NECAB2: variants seen among roughly 807,000 people sequenced by gnomAD.
NECAB2 encodes N-terminal EF-hand calcium binding protein 2.
Under a neutral mutation model 51.9 loss-of-function variants are expected in NECAB2, and 68 were observed. The observed-to-expected ratio is 1.31, with a 90% CI of 1.08 to 1.60. The LOEUF (loss-of-function observed/expected upper bound fraction) is 1.60, where lower values mean the gene tolerates loss of function less well. Ranked by LOEUF, NECAB2 falls within the 40% of genes most tolerant of loss-of-function variation. NECAB2 has a pLI of 0.00. For synonymous variants in NECAB2, 329 were observed against 203.5 expected (o/e 1.62, Z -5.25); for missense variants, 854 against 490.3 (o/e 1.74, Z -7.00).
intron 6 of NECAB2, among the ~76,000 whole-genome samples, chr16:83,991,448 C>A (rs144791421): frequency 6.9e-6 from 1 of 144,824 alleles, no homozygotes; most frequent in Non-Finnish European, 1.5e-5. Flanking sequence ...CTCACTGCAA[C>A]GTCCGCCTCC....
chr16:83,991,984 G>A (rs536230682), intron 6 of NECAB2, among the ~76,000 whole-genome samples: 43 of 152,120 alleles, frequency 2.8e-4, no homozygotes, highest in Non-Finnish European at 4.6e-4. Flanking sequence ...AGCAGTTTAG[G>A]AAATGGCATA....
At chr16:83,987,455 T>C (rs988295320) in intron 5 of NECAB2, among the ~76,000 whole-genome samples, 9 of 152,356 alleles carry the variant, frequency 5.9e-5, no homozygotes, top group East Asian at 1.9e-4. Flanking sequence ...GTAGTTGATA[T>C]GCAAAATTTA....
Position 83,987,998 on chromosome 16 carries a change from C to T in NECAB2, c.460-2496C>T, listed in dbSNP as rs534264895. ...TCATTATATTCCTACCTTTCTTGGG[C>T]AGTACTTTCTCATTTAAATTCTAAC... is the stretch of plus-strand genomic sequence containing the variant. On this transcript the variant is annotated intron_variant, in intron 5 of 12. Transcript: ENST00000305202. Among the ~76,000 whole-genome samples the T allele has an allele frequency of 5.3e-5, 8 of 152,290 alleles. No individual in the cohort carries two copies. In the South Asian group the frequency reaches 1.0e-3, roughly 20 times the overall value.
At chr16:83,967,132 A>C (rs1347847016), upstream of NECAB2, among the ~76,000 whole-genome samples, 1 of 152,182 alleles carries the variant, frequency 6.6e-6, no homozygotes, top group African/African-American at 2.4e-5. Context: ...TTGGCTCCCC[A>C]AAGTGTTGGT....
In NECAB2 at chr16:83,997,266, C is replaced by G. The variant is rs774451343; in HGVS notation, c.846C>G (p.Asn282Lys). 6.2e-7 allele frequency: 1 copy of G among 1,614,154 alleles called. No individual in the cohort carries two copies. The highest frequency in any genetic ancestry group is 1.3e-5 in the African/African-American group (1 of 75,030). The change falls in exon 9 of 13, where the codon AAC becomes AAG. Residue 282 changes from asparagine to lysine, a missense_variant. Physicochemically the swap from Asn to Lys is moderately conservative, Grantham distance 94. Coordinates refer to ENST00000305202, the MANE Select transcript of NECAB2 (RefSeq NM_019065.3). ...GCCTGTCAGATGAAGATGGCACCAA[C>G]ATGGTGAGGCCCCTTCCCACCTCTC... ...QQRLSDEDGT[N>K]MHLQLVRQEM... is the part of the protein sequence containing the mutation.
chr16:84,000,442 C>T (rs758831095), intron 10 of NECAB2, among the ~76,000 whole-genome samples: 1 of 152,160 alleles, frequency 6.6e-6, no homozygotes, highest in Non-Finnish European at 1.5e-5. Context: ...GTGATTGTGC[C>T]ACTGCACTCC....
chr16:83,994,960 A>T (rs545182917), intron 8 of NECAB2, among the ~76,000 whole-genome samples: 1 of 152,268 alleles, frequency 6.6e-6, no homozygotes, highest in South Asian at 2.1e-4. Context: ...CAGCTCCAGG[A>T]GCAGAGGGTG....
chr16:83,988,851 T>C (rs577647632), intron 5 of NECAB2, among the ~76,000 whole-genome samples: 2 of 152,294 alleles, frequency 1.3e-5, no homozygotes, highest in South Asian at 4.1e-4. Flanking sequence ...TTATGTAATA[T>C]ACCCATGTAA....
chr16:83,990,850 C>G (rs934085560), intron 6 of NECAB2, among the ~76,000 whole-genome samples: 1 of 152,080 alleles, frequency 6.6e-6, no homozygotes, highest in Non-Finnish European at 1.5e-5. Context: ...AGTAAATGCT[C>G]AGGAGAATGC....
intron 5 of NECAB2, among the ~76,000 whole-genome samples, chr16:83,986,983 G>A (rs1011936777): frequency 6.6e-5 from 10 of 152,090 alleles, no homozygotes; most frequent in Non-Finnish European, 1.3e-4. Flanking sequence ...CCCCCACCAT[G>A]ACATACCCAT....
chr16:83,973,928 T>C (rs1052258970), intron 2 of NECAB2, among the ~76,000 whole-genome samples: 1 of 152,132 alleles, frequency 6.6e-6, no homozygotes, highest in African/African-American at 2.4e-5. Context: ...TGTGCAGCTC[T>C]GCAGGAGCCA....
At chr16:83,987,504 T>C (rs1237573986) in intron 5 of NECAB2, among the ~76,000 whole-genome samples, 1 of 152,204 alleles carries the variant, frequency 6.6e-6, no homozygotes, top group African/African-American at 2.4e-5. Flanking sequence ...CGCTTCTAAT[T>C]CCCACTATCC....
upstream of NECAB2, among the ~76,000 whole-genome samples, chr16:83,967,991 T>A (rs1597188478): frequency 6.6e-6 from 1 of 150,982 alleles, no homozygotes; most frequent in South Asian, 2.1e-4. Flanking sequence ...GATGGATGGA[T>A]GGATGGATGG....
At chr16:83,985,922 G>T (rs897852686) in intron 5 of NECAB2, among the ~76,000 whole-genome samples, 1 of 152,076 alleles carries the variant, frequency 6.6e-6, no homozygotes, top group East Asian at 1.9e-4. Context: ...TCCTTTCTTC[G>T]TTATGAAATA....
upstream of NECAB2, among the ~76,000 whole-genome samples, chr16:83,967,900 G>C (rs967555608): frequency 4.7e-5 from 7 of 150,310 alleles, no homozygotes; most frequent in East Asian, 1.4e-3. Flanking sequence ...ATGGATGGAC[G>C]GACAGTCGGC....
intron 10 of NECAB2, among the ~76,000 whole-genome samples, chr16:83,999,941 T>G (rs112111007): frequency 8.8e-4 from 134 of 151,774 alleles, no homozygotes; most frequent in African/African-American, 3.2e-3. Context: ...AGTGAGTGTG[T>G]AGTAGTGGAA....
intron 9 of NECAB2, 30 bp downstream of exon 9, chr16:83,997,299 A>T (rs1458149925): frequency 6.2e-7 from 1 of 1,613,762 alleles, no homozygotes; most frequent in Admixed American, 1.7e-5. Flanking sequence ...CTCTTCTGGG[A>T]CCACATCCCT....
At position 84,001,792 on chromosome 16, in the gene NECAB2, CACCCCTGACTCACACAT is replaced by C. The variant is rs1567682240; in HGVS notation, c.1041-32_1041-16del. ...GCCACACGCGGAGCTCCACTCCTGC[CACCCCTGACTCACACAT>C]GTCCCTGCGTCACAGGCACCTGCAG... On this transcript the variant is annotated splice_polypyrimidine_tract_variant and intron_variant, in intron 11 of 12. Transcript: ENST00000305202. 1 of 1,611,634 alleles carries C rather than the reference CACCCCTGACTCACACAT, an allele frequency of 6.2e-7. No individual in the cohort carries two copies. Among genetic ancestry groups the C allele is most frequent in the Non-Finnish European group, 8.5e-7 (1 of 1,177,952 alleles).
At chr16:83,996,598 G>C (rs2084702671) in intron 8 of NECAB2, among the ~76,000 whole-genome samples, 2 of 143,918 alleles carry the variant, frequency 1.4e-5, no homozygotes, top group African/African-American at 4.9e-5. Flanking sequence ...CTGTGCGTCA[G>C]GTAGACACAC....
Sources: gnomAD v4.1 joint callset for allele counts (sites outside exome capture counted in the v4.1 genomes callset) on GRCh38, gnomAD v4.1.1 for gene constraint, MANE v1.5 for transcripts, NCBI Gene and HGNC (gene_info 2026-07-23, HGNC 2026-07-21) for gene names.